Variants in SLC35F5 observed in about 807,000 individuals in gnomAD.
SLC35F5 encodes HCV NS5A-transactivated protein 3.
Under a neutral mutation model 68.6 loss-of-function variants are expected in SLC35F5, and 54 were observed. That is an observed-to-expected ratio of 0.79 (90% confidence interval 0.63 to 0.99). The LOEUF is 0.99. SLC35F5 is among the 50% of genes least tolerant of loss of function. SLC35F5 has a pLI of 0.00. For missense variants in SLC35F5, 567 were observed against 626.9 expected, an observed-to-expected ratio of 0.90 and a Z score of 1.02; for synonymous variants, 211 against 205.2, an observed-to-expected ratio of 1.03 and a Z score of -0.24.
chr2:113,741,280 T>C (rs1574253877), intron 7 of SLC35F5, among the ~76,000 whole-genome samples: 1 of 151,074 alleles, frequency 6.6e-6, no homozygotes. Context: ...GGGCTGGGGG[T>C]GGTGGGAAAG....
chr2:113,756,595 G>A lies in SLC35F5; in HGVS notation c.-186C>T, dbSNP rs1004058427. The A allele has an allele frequency of 5.0e-6, 7 of 1,411,646 alleles. No individual in the cohort carries two copies. In the Admixed American group the frequency reaches 8.4e-5, roughly 17 times the overall value. The allele number at this position is 1,411,646 out of a possible 1,614,324, so 87.4% of individuals were successfully genotyped here. ...GCCCAGGAGGGCGTGGAGCGGGTGA[G>A]GGGAAGGGACGGCACAGTCAGCTAT... On this transcript the variant is annotated 5_prime_UTR_variant, in exon 1 of 16. Transcript: ENST00000245680.
intron 3 of SLC35F5, among the ~76,000 whole-genome samples, chr2:113,754,066 C>T (rs970607709): frequency 3.3e-5 from 5 of 151,864 alleles, no homozygotes; most frequent in African/African-American, 9.7e-5. Flanking sequence ...CCGAGGCGGG[C>T]GGATCATGAG....
chr2:113,729,698 G>A (rs746723295), intron 10 of SLC35F5, among the ~76,000 whole-genome samples, 193 bp from the exon 11 acceptor site: 5 of 152,098 alleles, frequency 3.3e-5, no homozygotes, highest in Non-Finnish European at 7.4e-5. Flanking sequence ...AGTCTTCTAG[G>A]AGTACAGGAA....
chr2:113,737,800 C>G (rs1028356624), intron 7 of SLC35F5, among the ~76,000 whole-genome samples: 1 of 152,098 alleles, frequency 6.6e-6, no homozygotes, highest in South Asian at 2.1e-4. Context: ...TCCACAGCAC[C>G]CTCATCACCA....
rs1687236379 is a variant in SLC35F5 at position 113,717,834 on chromosome 2, C to T, written c.1513G>A (p.Glu505Lys). The T allele has an allele frequency of 3.7e-6, 6 of 1,609,812 alleles. No individual in the cohort carries two copies. The highest frequency in any genetic ancestry group is 5.1e-6 in the Non-Finnish European group (6 of 1,177,978). The change falls in exon 15 of 16, where the codon GAA becomes AAA. Residue 505 changes from glutamate to lysine, a missense_variant. Physicochemically the swap from Glu to Lys is moderately conservative, Grantham distance 56. Transcript: ENST00000245680. ...ATAGAAATGAGACTCTCACACTGTT[C>T]GCTGTCTTCTGGAACTCTTAAGAAA... The part of the protein sequence containing the change: ...HRIQRVPEDS[E>K]QCESLISMHS...
chr2:113,720,829 A>C (rs950668663), intron 13 of SLC35F5, among the ~76,000 whole-genome samples: 2 of 152,188 alleles, frequency 1.3e-5, no homozygotes, highest in African/African-American at 4.8e-5. Flanking sequence ...AGATAGATAA[A>C]GCCCTAGAAG....
In SLC35F5 at chr2:113,715,582, G is replaced by A. The variant is rs115764716; in HGVS notation, c.*23-387C>T. On this transcript the variant is annotated intron_variant, in intron 15 of 15. Coordinates refer to ENST00000245680, the MANE Select transcript of SLC35F5 (RefSeq NM_025181.5). ...CTGAAACCTTGCTGGATATGGGTAG[G>A]TTTAAGTGTGAGTACGAGAACAATG... is the stretch of plus-strand genomic sequence containing the variant. 4.9e-3 allele frequency among the ~76,000 whole-genome samples: 753 copies of A among 152,200 alleles called. 8 individuals carry two copies. Among genetic ancestry groups the A allele is most frequent in the African/African-American group, 0.016 (670 of 41,526 alleles).
At chr2:113,725,240 G>T in intron 12 of SLC35F5, 138 bp downstream of exon 12, 1 of 708,176 alleles carries the variant, frequency 1.4e-6, no homozygotes. Context: ...CTGCTCTAGT[G>T]GAGTTAAAGT....
At chr2:113,719,515 C>T (rs1687340643) in intron 13 of SLC35F5, 1 of 419,728 alleles carries the variant, frequency 2.4e-6, no homozygotes, top group Non-Finnish European at 4.1e-6. Context: ...AAATTACCAA[C>T]AACAATAGTT....
At position 113,725,616 on chromosome 2, in the gene SLC35F5, T is replaced by C. The variant is rs1029361388; in HGVS notation, c.1091-79A>G. On this transcript the variant is annotated intron_variant, in intron 11 of 15. Coordinates refer to ENST00000245680, the MANE Select transcript of SLC35F5 (RefSeq NM_025181.5). ...AGCTTATTAACTCTAAAATCAAAATTAGATTTTGCACAAAAGCACTCTGGG... is the reference window on the plus strand; with the variant it reads ...AGCTTATTAACTCTAAAATCAAAATCAGATTTTGCACAAAAGCACTCTGGG... The C allele has an allele frequency of 8.9e-5, 121 of 1,360,252 alleles. No homozygotes were observed. The Middle Eastern group carries it at 1.0e-3, about 12-fold the overall frequency. The allele number at this position is 1,360,252 out of a possible 1,614,324, so 84.3% of individuals were successfully genotyped here. A position where few individuals can be genotyped will look rare whatever the true frequency, so the allele number is the denominator to read the frequency against.
At chr2:113,733,191 C>T (rs182093730) in intron 9 of SLC35F5, among the ~76,000 whole-genome samples, 76 of 152,242 alleles carry the variant, frequency 5.0e-4, no homozygotes, top group African/African-American at 1.8e-3. Flanking sequence ...TGCAATTCAG[C>T]TCTGCCTCTG....
intron 8 of SLC35F5, among the ~76,000 whole-genome samples, chr2:113,735,465 T>C (rs189340399): frequency 1.5e-3 from 221 of 152,348 alleles, no homozygotes; most frequent in Non-Finnish European, 2.4e-3. Flanking sequence ...CTGTATTGAA[T>C]ACTGTAGGCA....
intron 10 of SLC35F5, among the ~76,000 whole-genome samples, chr2:113,730,652 T>C (rs1216401855): frequency 6.6e-6 from 1 of 152,226 alleles, no homozygotes; most frequent in Non-Finnish European, 1.5e-5. Flanking sequence ...CAGGCTGGTA[T>C]TGAACTCCTG....
At chr2:113,751,827 T>C (rs1360515053) in intron 3 of SLC35F5, among the ~76,000 whole-genome samples, 3 of 112,478 alleles carry the variant, frequency 2.7e-5, no homozygotes, top group Admixed American at 8.5e-5. Context: ...AAAGAAACAA[T>C]GGCTCCTATA....
downstream of SLC35F5, among the ~76,000 whole-genome samples, chr2:113,706,432 G>A (rs1327949656): frequency 6.6e-6 from 1 of 152,180 alleles, no homozygotes; most frequent in African/African-American, 2.4e-5. Flanking sequence ...CCATCCTAGG[G>A]ATAGCATTGG....
rs1687069016 is a variant in SLC35F5, at chr2:113,713,592, A to T, written c.*1626T>A. On this transcript the variant is annotated 3_prime_UTR_variant, in exon 16 of 16. Transcript: ENST00000245680. ...AATGTTACTTCATTATGTTCTTTTT[A>T]AAAGAAAATTCCTCAGAAGTCCACA... is the stretch of plus-strand genomic sequence containing the variant. 1 of 152,184 alleles carries T rather than the reference A, an allele frequency of 6.6e-6. No homozygotes were observed. The highest frequency in any genetic ancestry group is 2.4e-5 in the African/African-American group (1 of 41,452). The allele number at this position is 152,184 out of a possible 1,614,324, so 9.4% of individuals were successfully genotyped here.
Position 113,707,752 on chromosome 2 carries a change from G to A in SLC35F5, c.*7466C>T, listed in dbSNP as rs1432886798. 3.3e-5 allele frequency among the ~76,000 whole-genome samples: 5 copies of A among 151,936 alleles called. No individual in the cohort carries two copies. The highest frequency in any genetic ancestry group is 5.9e-5 in the Non-Finnish European group (4 of 67,990). On this transcript the variant is annotated 3_prime_UTR_variant, in exon 16 of 16. Transcript: ENST00000245680. ...TTTTTTGTATTTTTAGTAGAGAAGG[G>A]GTTTCTCCATGTTGGTCACACTGGT... is the stretch of plus-strand genomic sequence containing the variant.
At chr2:113,756,010 G>A in intron 1 of SLC35F5, 1 of 1,509,644 alleles carries the variant, frequency 6.6e-7, no homozygotes, top group Non-Finnish European at 8.9e-7. Context: ...CTCTTCAAGT[G>A]GTAAAAGAAA....
Position 113,756,369 on chromosome 2 carries a change from C to A in SLC35F5, c.40+1G>T. ...GTCGGGGCCCTTCCCTGCCTGCCTACCTGGCCTTCCTGCCCCGCGATGGCG... is the reference window on the plus strand; with the variant it reads ...GTCGGGGCCCTTCCCTGCCTGCCTAACTGGCCTTCCTGCCCCGCGATGGCG... On this transcript the variant is annotated splice_donor_variant, in intron 1 of 15. Coordinates refer to ENST00000245680, the MANE Select transcript of SLC35F5 (RefSeq NM_025181.5). LOFTEE classifies it high-confidence loss of function. The A allele has an allele frequency of 1.3e-6, 2 of 1,571,288 alleles. No homozygotes were observed. The highest frequency in any genetic ancestry group is 1.2e-5 in the South Asian group (1 of 85,652).
Sources: allele counts gnomAD v4.1 joint callset (sites outside exome capture counted in the v4.1 genomes callset), GRCh38; gene constraint gnomAD v4.1.1; transcripts MANE v1.5; gene names NCBI Gene and HGNC (gene_info 2026-07-23, HGNC 2026-07-21).